CRPPA: variants seen among roughly 807,000 people sequenced by gnomAD.
CRPPA encodes the protein CDP-L-ribitol pyrophosphorylase A.
In CRPPA, 43 loss-of-function variants were observed where a neutral mutation model predicts 52.0. That is an observed-to-expected ratio of 0.83 (90% CI 0.65 to 1.07). The LOEUF (loss-of-function observed/expected upper bound fraction) is 1.07. Among genes scored for constraint, CRPPA ranks in the 50% least tolerant of loss-of-function variants. The probability of loss-of-function intolerance (pLI) is 0.00; values close to 1 mark genes in which losing one functional copy is unlikely to be tolerated. For synonymous variants in CRPPA, 250 were observed against 203.5 expected, an observed-to-expected ratio of 1.23 and a Z score of -1.94; for missense variants, 629 against 551.7, an observed-to-expected ratio of 1.14 and a Z score of -1.40.
In CRPPA at chr7:16,133,461, A is replaced by G. The variant is rs1034817938; in HGVS notation, c.1252-41662T>C. ...CATAAAATTAAGTGTAATACATAGT[A>G]TACTACTGTAATAATTTCATAGCCA... On this transcript the variant is annotated intron_variant, in intron 9 of 9. Coordinates refer to ENST00000407010, the MANE Select transcript of CRPPA (RefSeq NM_001101426.4). 3.2e-5 allele frequency among the ~76,000 whole-genome samples: 4 copies of G among 125,284 alleles called. 1 individual carries two copies. The highest frequency in any genetic ancestry group is 7.3e-5 in the Non-Finnish European group (4 of 55,054). 82.2% of individuals were successfully genotyped at this position (125,284 alleles called of 152,430 possible).
intron 8 of CRPPA, among the ~76,000 whole-genome samples, chr7:16,217,243 A>C (rs1254912597): frequency 1.3e-5 from 2 of 148,446 alleles, no homozygotes; most frequent in African/African-American, 2.5e-5. Context: ...GTCTGTTAGA[A>C]GGAAAACTAA....
intron 9 of CRPPA, among the ~76,000 whole-genome samples, chr7:16,188,897 G>C (rs1752156663): frequency 1.3e-5 from 2 of 152,118 alleles, no homozygotes; most frequent in African/African-American, 4.8e-5. Flanking sequence ...AGCTCCTTGA[G>C]AAGTTGCTTA....
intron 9 of CRPPA, among the ~76,000 whole-genome samples, chr7:16,122,859 C>T (rs190067808): frequency 4.4e-4 from 67 of 152,142 alleles, no homozygotes; most frequent in African/African-American, 1.3e-3. Flanking sequence ...GAAGAATATA[C>T]TAATTTACAA....
At chr7:16,118,862 C>T (rs949731543) in intron 9 of CRPPA, among the ~76,000 whole-genome samples, 1 of 152,120 alleles carries the variant, frequency 6.6e-6, no homozygotes, top group East Asian at 1.9e-4. Context: ...AACCTAAAGA[C>T]CTCCTTGGTT....
intron 6 of CRPPA, among the ~76,000 whole-genome samples, chr7:16,264,075 C>T (rs1010595873): frequency 1.2e-4 from 18 of 152,060 alleles, no homozygotes; most frequent in African/African-American, 4.3e-4. Context: ...TCCTCCCAAC[C>T]AGAAAACAAT....
intron 3 of CRPPA, among the ~76,000 whole-genome samples, chr7:16,315,824 C>G (rs2128426264): frequency 6.6e-6 from 1 of 152,252 alleles, no homozygotes; most frequent in East Asian, 1.9e-4. Context: ...TTTTCCTACC[C>G]TGTCACTATT....
chr7:16,161,051 G>C (rs1395390587), intron 9 of CRPPA, among the ~76,000 whole-genome samples: 1 of 152,176 alleles, frequency 6.6e-6, no homozygotes, highest in East Asian at 1.9e-4. Flanking sequence ...ATCAGCTTAA[G>C]GAGTTTTTGG....
intron 5 of CRPPA, among the ~76,000 whole-genome samples, chr7:16,294,014 C>A (rs1784618183): frequency 6.6e-6 from 1 of 151,940 alleles, no homozygotes. Context: ...GTGTCCATGT[C>A]ATTTTTTCTA....
chr7:16,146,789 G>C (rs1421886958), intron 9 of CRPPA, among the ~76,000 whole-genome samples: 2 of 152,084 alleles, frequency 1.3e-5, no homozygotes, highest in African/African-American at 4.8e-5. Context: ...AAAAAGGAAG[G>C]CAAGCATACC....
chr7:16,254,473 C>G (rs1415914785), intron 8 of CRPPA, among the ~76,000 whole-genome samples: 7 of 151,894 alleles, frequency 4.6e-5, no homozygotes, highest in Admixed American at 3.3e-4. Flanking sequence ...TCATTCTGAG[C>G]AAACTATTGC....
intron 9 of CRPPA, among the ~76,000 whole-genome samples, chr7:16,127,890 G>C (rs951973494): frequency 1.3e-5 from 2 of 152,138 alleles, no homozygotes; most frequent in African/African-American, 4.8e-5. Context: ...TTTGTTGACT[G>C]ATTAAACGTC....
At chr7:16,163,950 T>A (rs1219758635) in intron 9 of CRPPA, among the ~76,000 whole-genome samples, 1 of 152,116 alleles carries the variant, frequency 6.6e-6, no homozygotes, top group Non-Finnish European at 1.5e-5. Context: ...AGCATTTTTT[T>A]CTTCATTTCA....
chr7:16,301,230 G>GT (rs1208047970), intron 5 of CRPPA, among the ~76,000 whole-genome samples, 191 bp downstream of exon 5: 5 of 152,038 alleles, frequency 3.3e-5, no homozygotes, highest in Admixed American at 3.3e-4. Context: ...AATCAATGTG[G>GT]TATCATAGTA....
chr7:16,336,317 T>C (rs901591692), intron 3 of CRPPA, among the ~76,000 whole-genome samples: 1 of 152,058 alleles, frequency 6.6e-6, no homozygotes, highest in Non-Finnish European at 1.5e-5. Flanking sequence ...TGTTAAGAGA[T>C]ACAAATTATT....
chr7:16,420,520 C>T (rs1788301295), intron 1 of CRPPA, among the ~76,000 whole-genome samples: 1 of 152,154 alleles, frequency 6.6e-6, no homozygotes, highest in Non-Finnish European at 1.5e-5. Flanking sequence ...ACCTCAAATT[C>T]AGGCTTAAAG....
intron 3 of CRPPA, among the ~76,000 whole-genome samples, chr7:16,329,913 T>C (rs1583524363): frequency 1.3e-5 from 2 of 152,318 alleles, no homozygotes; most frequent in East Asian, 3.9e-4. Context: ...CAAATCCAAT[T>C]AGGCCACATA....
chr7:16,364,064 A>G (rs1786525255), intron 3 of CRPPA, among the ~76,000 whole-genome samples: 1 of 152,220 alleles, frequency 6.6e-6, no homozygotes, highest in Non-Finnish European at 1.5e-5. Flanking sequence ...ATTTAAAGAC[A>G]TCAACTTAAT....
intron 3 of CRPPA, among the ~76,000 whole-genome samples, chr7:16,343,506 C>G (rs1399957030): frequency 6.6e-6 from 1 of 152,098 alleles, no homozygotes; most frequent in African/African-American, 2.4e-5. Flanking sequence ...CTCAAAGTTC[C>G]CTGCAAAATC....
chr7:16,243,430 TAA>T (rs1360439050), intron 8 of CRPPA, among the ~76,000 whole-genome samples: 1 of 152,132 alleles, frequency 6.6e-6, no homozygotes, highest in African/African-American at 2.4e-5. Flanking sequence ...TACAATAAAA[TAA>T]AGTTACATCT....
Sources: gnomAD v4.1 joint callset for allele counts (sites outside exome capture counted in the v4.1 genomes callset) on GRCh38, gnomAD v4.1.1 for gene constraint, MANE v1.5 for transcripts, NCBI Gene and HGNC (gene_info 2026-07-23, HGNC 2026-07-21) for gene names.